SLC35F6: variants seen among roughly 807,000 people sequenced by gnomAD.
SLC35F6 encodes the protein ANT2-binding protein.
In SLC35F6, 26 loss-of-function variants were observed where a neutral mutation model predicts 29.4. The observed-to-expected ratio is 0.89, with a 90% CI of 0.65 to 1.23. SLC35F6 has a LOEUF of 1.23. SLC35F6 is among the 50% of genes most tolerant of loss of function. The pLI, the probability that SLC35F6 is intolerant of heterozygous loss-of-function variation, is 0.00. For synonymous variants in SLC35F6, 174 were observed against 206.6 expected (o/e 0.84, Z 1.35); for missense variants, 428 against 487.8 (o/e 0.88, Z 1.15).
At chr2:26,771,667 A>G (rs1383073961) in intron 1 of SLC35F6, among the ~76,000 whole-genome samples, 1 of 152,188 alleles carries the variant, frequency 6.6e-6, no homozygotes, top group African/African-American at 2.4e-5. Context: ...CCAACAGCAT[A>G]TCAGGCAGAA....
At chr2:26,766,076 G>C (rs1292639821) in intron 1 of SLC35F6, among the ~76,000 whole-genome samples, 2 of 152,314 alleles carry the variant, frequency 1.3e-5, no homozygotes, top group Admixed American at 1.3e-4. Context: ...GCCTTTAAAG[G>C]CTGCCTGAGA....
At position 26,775,938 on chromosome 2, in the gene SLC35F6, T is replaced by A. The variant is rs149707952; in HGVS notation, c.535+262T>A. Among the ~76,000 whole-genome samples, 2 of 151,390 alleles carry A rather than the reference T, an allele frequency of 1.3e-5. No individual in the cohort carries two copies. Among genetic ancestry groups the A allele is most frequent in the Non-Finnish European group, 2.9e-5 (2 of 67,860 alleles). ...ACATGCAAACTACTGGATTTGGGAG[T>A]GGAAAGGAACAGGTGCTTACCAAGT... On this transcript the variant is annotated intron_variant, in intron 4 of 5. Transcript: ENST00000344420. The surrounding 1 kb of genome is among the most constrained non-coding windows in gnomAD (Gnocchi z 4.6).
Position 26,764,353 on chromosome 2 carries a change from G to C in SLC35F6, c.4G>C (p.Ala2Pro). The C allele has an allele frequency of 6.4e-7, 1 of 1,550,736 alleles. No homozygotes were observed. Among genetic ancestry groups the C allele is most frequent in the Non-Finnish European group, 8.7e-7 (1 of 1,146,818 alleles). Residue 2 changes from alanine to proline, a missense_variant, in exon 1 of 6, where the codon GCC (alanine) becomes CCC (proline). Physicochemically the swap from Ala to Pro is conservative, Grantham distance 27. Transcript: ENST00000344420. ...GCGAACCCCAGCGTCCGCCGACATG[G>C]CCTGGACCAAGTACCAGCTGTTCCT... M[A>P]WTKYQLFLAG... is the part of the protein sequence containing the mutation.
Position 26,764,388 on chromosome 2 carries a change from C to G in SLC35F6, c.39C>G (p.Leu13=), listed in dbSNP as rs142072865. The G allele has an allele frequency of 8.4e-6, 13 of 1,551,112 alleles. 1 individual carries two copies. The South Asian group carries it at 1.5e-4, about 18-fold the overall frequency. The change falls in exon 1 of 6, where the codon CTC becomes CTG. Residue 13 remains leucine (L), a synonymous_variant. Coordinates refer to ENST00000344420, the MANE Select transcript of SLC35F6 (RefSeq NM_017877.4). ...WTKYQLFLAG[L]MLVTGSINTL... is the part of the protein sequence containing the mutation. ...AGTACCAGCTGTTCCTGGCCGGGCTCATGCTTGTTACCGGCTCCATCAACA... is the reference window on the plus strand; with the variant it reads ...AGTACCAGCTGTTCCTGGCCGGGCTGATGCTTGTTACCGGCTCCATCAACA...
At chr2:26,774,001 T>C (rs905078902) in intron 1 of SLC35F6, among the ~76,000 whole-genome samples, 1 of 152,218 alleles carries the variant, frequency 6.6e-6, no homozygotes, top group African/African-American at 2.4e-5. Context: ...CCTCACGATA[T>C]ATACAATGAC....
Position 26,778,473 on chromosome 2 carries a change from C to A in SLC35F6, c.1078C>A (p.Leu360Met). The change falls in exon 6 of 6, where the codon CTG (leucine) becomes ATG (methionine). Residue 360 changes from leucine to methionine, a missense_variant. Transcript: ENST00000344420. Reference protein sequence around the residue: ...LAEESEQERLLGGTRTPINDA... With the variant: ...LAEESEQERLMGGTRTPINDA... The stretch of plus-strand genomic sequence containing the variant: ...AGAGGAGAGCGAGCAGGAGAGACTG[C>A]TGGGTGGCACCCGCACTCCCATCAA... The A allele has an allele frequency of 6.2e-7, 1 of 1,612,064 alleles. No individual in the cohort carries two copies. Among genetic ancestry groups the A allele is most frequent in the South Asian group, 1.1e-5 (1 of 90,996 alleles).
chr2:26,769,499 A>G (rs1664156075), intron 1 of SLC35F6, among the ~76,000 whole-genome samples: 1 of 152,250 alleles, frequency 6.6e-6, no homozygotes, highest in Non-Finnish European at 1.5e-5. Flanking sequence ...GAGGGGGCGC[A>G]TGACTGCCTG....
Position 26,778,486 on chromosome 2 carries a change from G to C in SLC35F6, c.1091G>C (p.Arg364Pro), listed in dbSNP as rs770080770. 1 of 1,608,418 alleles carries C rather than the reference G, an allele frequency of 6.2e-7. No individual in the cohort carries two copies. Among genetic ancestry groups the C allele is most frequent in the African/African-American group, 1.3e-5 (1 of 74,882 alleles). Residue 364 changes from arginine (R) to proline (P), a missense_variant, in exon 6 of 6, where the codon CGC becomes CCC. By Grantham distance (103) the Arg-to-Pro change is moderately radical. Coordinates refer to ENST00000344420, the MANE Select transcript of SLC35F6 (RefSeq NM_017877.4). ...SEQERLLGGT[R>P]TPINDAS ...CAGGAGAGACTGCTGGGTGGCACCCGCACTCCCATCAATGATGCCAGCTGA... is the reference window on the plus strand; with the variant it reads ...CAGGAGAGACTGCTGGGTGGCACCCCCACTCCCATCAATGATGCCAGCTGA...
intron 1 of SLC35F6, chr2:26,765,121 C>A: frequency 3.6e-6 from 2 of 551,928 alleles, no homozygotes; most frequent in Non-Finnish European, 4.6e-6. Flanking sequence ...TCCAAGGCTG[C>A]TGCATAGCAG....
intron 1 of SLC35F6, among the ~76,000 whole-genome samples, chr2:26,768,180 G>A (rs369037407): frequency 2.0e-5 from 3 of 152,224 alleles, no homozygotes; most frequent in African/African-American, 7.2e-5. Context: ...TGTTGGGCCA[G>A]CTTGTGGAAG....
rs1406856549 is a variant in SLC35F6, at chr2:26,775,722, C to T, written c.535+46C>T. 3.3e-6 allele frequency: 5 copies of T among 1,503,902 alleles called. No individual in the cohort carries two copies. The highest frequency in any genetic ancestry group is 4.4e-6 in the Non-Finnish European group (5 of 1,126,636). 93.2% of individuals were successfully genotyped at this position (1,503,902 alleles called of 1,614,324 possible). On this transcript the variant is annotated intron_variant, in intron 4 of 5. Coordinates refer to ENST00000344420, the MANE Select transcript of SLC35F6 (RefSeq NM_017877.4). The surrounding 1 kb of genome is among the most constrained non-coding windows in gnomAD (Gnocchi z 4.6). ...ACGGGGCTGCCCTATCCTGCCCTGT[C>T]CTCCTTGGGAGCCCAGCACAGACTC...
chr2:26,769,911 T>C (rs1207202707), intron 1 of SLC35F6, among the ~76,000 whole-genome samples: 1 of 152,204 alleles, frequency 6.6e-6, no homozygotes, highest in African/African-American at 2.4e-5. Context: ...TCAGTGTTGG[T>C]ATGATTACCC....
chr2:26,767,166 A>G (rs112435174), intron 1 of SLC35F6, among the ~76,000 whole-genome samples: 17 of 152,204 alleles, frequency 1.1e-4, no homozygotes, highest in African/African-American at 3.6e-4. Flanking sequence ...GTTTCCTCTC[A>G]CAGCTCCCCA....
intron 1 of SLC35F6, among the ~76,000 whole-genome samples, chr2:26,766,781 A>C (rs1286849535): frequency 4.6e-5 from 7 of 152,130 alleles, no homozygotes; most frequent in African/African-American, 1.4e-4. Context: ...CTATCAGGCA[A>C]AGACAGGGGC....
At chr2:26,769,868 A>G (rs1020242809) in intron 1 of SLC35F6, among the ~76,000 whole-genome samples, 4 of 152,162 alleles carry the variant, frequency 2.6e-5, no homozygotes, top group Admixed American at 2.6e-4. Context: ...TCATGTATAT[A>G]TCCTTATATC....
Position 26,764,988 on chromosome 2 carries a change from C to T in SLC35F6, c.77+562C>T, listed in dbSNP as rs10186074. 0.011 allele frequency: 10,813 copies of T among 985,426 alleles called. 911 individuals are homozygous for T. The African/African-American group carries it at 0.17, about 16-fold the overall frequency. 61.0% of individuals were successfully genotyped at this position (985,426 alleles called of 1,614,324 possible). On this transcript the variant is annotated intron_variant, in intron 1 of 5. Transcript: ENST00000344420. ...GATCAAAGTCGATTGTAACCAGCAT[C>T]AAATGCCCAGGTTAGATTTTCTCTC...
At chr2:26,774,752 C>G (rs917819750) in intron 2 of SLC35F6, among the ~76,000 whole-genome samples, 1 of 152,146 alleles carries the variant, frequency 6.6e-6, no homozygotes, top group Admixed American at 6.5e-5. Context: ...AGTCTTTGAG[C>G]CTCTCTTGGG....
chr2:26,769,553 C>T (rs146480295), intron 1 of SLC35F6, among the ~76,000 whole-genome samples: 16 of 152,356 alleles, frequency 1.1e-4, no homozygotes, highest in Middle Eastern at 3.4e-3. Context: ...TCTGAGGAGC[C>T]GTGAGCCCCT....
chr2:26,768,761 G>T (rs531860557), intron 1 of SLC35F6, among the ~76,000 whole-genome samples: 1 of 150,468 alleles, frequency 6.6e-6, no homozygotes, highest in Non-Finnish European at 1.5e-5. Flanking sequence ...TCCCACCTCA[G>T]CCTCCCAAGT....
Sources: gnomAD v4.1 joint callset for allele counts (sites outside exome capture counted in the v4.1 genomes callset) on GRCh38, gnomAD v4.1.1 for gene constraint, Gnocchi (gnomAD v3.1) non-coding constraint, MANE v1.5 for transcripts, NCBI Gene and HGNC (gene_info 2026-07-23, HGNC 2026-07-21) for gene names.